The following CELF2 variants were observed in gnomAD, a reference collection of about 807,000 sequenced individuals.
The protein encoded by CELF2 is CUGBP Elav-like family member 2, also known as CUG triplet repeat RNA-binding protein 2.
A neutral mutation model predicts 62.6 loss-of-function variants in CELF2; 8 were observed. That is an observed-to-expected ratio of 0.13 (90% CI 0.07 to 0.23). CELF2 has a LOEUF of 0.23. CELF2 is among the 10% of genes least tolerant of loss of function. CELF2 has a pLI of 1.00. For synonymous variants in CELF2, 258 were observed against 250.0 expected (o/e 1.03, Z -0.30); for missense variants, 333 against 671.0 (o/e 0.50, Z 5.56).
the CELF2 span, among the ~76,000 whole-genome samples, chr10:10,741,814 T>C: frequency 2.1e-4 from 32 of 152,350 alleles, no homozygotes; most frequent in South Asian, 1.2e-3. Context: ...TTTGAGACTA[T>C]GCAAGTATCC....
the CELF2 span, among the ~76,000 whole-genome samples, chr10:10,521,115 C>A: frequency 6.6e-6 from 1 of 152,092 alleles, no homozygotes; most frequent in African/African-American, 2.4e-5. Flanking sequence ...GAAGGTGGCT[C>A]GAAACAAGAG....
intron 8 of CELF2, among the ~76,000 whole-genome samples, chr10:11,275,564 C>G (rs1264283400): frequency 2.0e-5 from 3 of 152,154 alleles, no homozygotes; most frequent in Non-Finnish European, 1.5e-5. Flanking sequence ...GATTGCAGGC[C>G]TATCTTTGAT....
intron 1 of CELF2, among the ~76,000 whole-genome samples, chr10:10,897,968 C>T (rs576419658): frequency 1.3e-5 from 2 of 152,268 alleles, no homozygotes; most frequent in East Asian, 3.9e-4. Context: ...CTCTGTAGGC[C>T]CAGAAACAGT....
the CELF2 span, among the ~76,000 whole-genome samples, chr10:10,720,461 T>G: frequency 4.3e-4 from 66 of 152,278 alleles, no homozygotes; most frequent in Middle Eastern, 6.8e-3. Flanking sequence ...CAGGACAGTT[T>G]CTTTAGATAT....
the CELF2 span, among the ~76,000 whole-genome samples, chr10:10,769,064 C>T: frequency 6.6e-6 from 1 of 152,304 alleles, no homozygotes; most frequent in South Asian, 2.1e-4. Flanking sequence ...TTTTTCCTCT[C>T]TTCATCCTTT....
intron 1 of CELF2, among the ~76,000 whole-genome samples, chr10:11,160,570 T>C (rs2065468011): frequency 6.6e-6 from 1 of 151,144 alleles, no homozygotes; most frequent in African/African-American, 2.4e-5. Context: ...GGCCACCATA[T>C]TGGACTGTGC....
chr10:10,737,747 T>C, the CELF2 span, among the ~76,000 whole-genome samples: 1 of 151,720 alleles, frequency 6.6e-6, no homozygotes, highest in Admixed American at 6.6e-5. Context: ...CCTTGGCAGG[T>C]TCCCTGCCAT....
intron 2 of CELF2, among the ~76,000 whole-genome samples, chr10:10,940,440 G>C (rs1174100873): frequency 6.6e-6 from 1 of 152,160 alleles, no homozygotes; most frequent in African/African-American, 2.4e-5. Flanking sequence ...GTGGACTGAG[G>C]AGTGCATTTT....
At chr10:10,759,296 C>CTTTTT in the CELF2 span, among the ~76,000 whole-genome samples, 35 of 120,854 alleles carry the variant, frequency 2.9e-4, no homozygotes, top group East Asian at 5.5e-4. Flanking sequence ...GCCCATTTTT[C>CTTTTT]TTTTTTTTTT....
At chr10:10,652,901 A>G in the CELF2 span, among the ~76,000 whole-genome samples, 3 of 152,204 alleles carry the variant, frequency 2.0e-5, no homozygotes, top group Non-Finnish European at 2.9e-5. Context: ...TAAATTCTCC[A>G]ATTAAAAGAC....
chr10:10,684,471 A>G, the CELF2 span, among the ~76,000 whole-genome samples: 3 of 152,196 alleles, frequency 2.0e-5, no homozygotes, highest in Non-Finnish European at 4.4e-5. Flanking sequence ...AGCCAGGCAC[A>G]GTGGCTCACG....
chr10:11,084,056 G>A (rs1029556787), intron 1 of CELF2, among the ~76,000 whole-genome samples: 3 of 152,128 alleles, frequency 2.0e-5, no homozygotes, highest in Admixed American at 2.0e-4. Flanking sequence ...CCTGCTGGTT[G>A]CCAGTGGTCT....
the CELF2 span, among the ~76,000 whole-genome samples, chr10:10,538,678 G>A: frequency 9.2e-5 from 14 of 152,140 alleles, no homozygotes; most frequent in African/African-American, 3.4e-4. Context: ...ATGGGTAGCA[G>A]TTTGGTATTG....
chr10:10,708,612 T>C, the CELF2 span, among the ~76,000 whole-genome samples: 1 of 152,134 alleles, frequency 6.6e-6, no homozygotes, highest in Non-Finnish European at 1.5e-5. Flanking sequence ...GAGGAAATCA[T>C]AGGAAAAGGG....
chr10:11,288,563 G>T lies in CELF2; in HGVS notation c.976+11G>T, dbSNP rs745462966. 1 of 1,612,740 alleles carries T rather than the reference G, an allele frequency of 6.2e-7. No homozygotes were observed. Among genetic ancestry groups the T allele is most frequent in the Admixed American group, 1.7e-5 (1 of 59,950 alleles). On this transcript the variant is annotated intron_variant, in intron 9 of 12. Transcript: ENST00000633077. ...CCCTCACGAGTCCCGGTGAGTGTGG[G>T]GGGTGCTCTTCCCTTGCAGGTGATG...
the CELF2 span, among the ~76,000 whole-genome samples, chr10:10,613,075 A>G: frequency 0.72 from 108,878 of 152,082 alleles, 40,163 homozygotes; most frequent in South Asian, 0.84. Context: ...TTCAAGGTGT[A>G]AGCATTGGAA....
chr10:10,923,741 A>G (rs1287776067), intron 2 of CELF2: 1 of 152,272 alleles, frequency 6.6e-6, no homozygotes, highest in Non-Finnish European at 1.5e-5. Context: ...TGTTAGGATT[A>G]AAACAAATAT....
At chr10:10,500,230 G>A in the CELF2 span, among the ~76,000 whole-genome samples, 1 of 152,164 alleles carries the variant, frequency 6.6e-6, no homozygotes, top group South Asian at 2.1e-4. Flanking sequence ...TTTTTATTTT[G>A]AGATTATTGT....
the CELF2 span, among the ~76,000 whole-genome samples, chr10:10,509,395 C>T: frequency 6.6e-6 from 1 of 152,106 alleles, no homozygotes; most frequent in African/African-American, 2.4e-5. Flanking sequence ...AGGTGGGGCC[C>T]TTATGAATGG....
Sources: gnomAD v4.1 joint callset for allele counts (sites outside exome capture counted in the v4.1 genomes callset) on GRCh38, gnomAD v4.1.1 for gene constraint, MANE v1.5 for transcripts, NCBI Gene and HGNC (gene_info 2026-07-23, HGNC 2026-07-21) for gene names.